ZFAT: variants seen among roughly 807,000 people sequenced by gnomAD.
The protein encoded by ZFAT is zinc finger and AT-hook domain containing, also known as zinc finger protein ZFAT.
Under a neutral mutation model 117.7 loss-of-function variants are expected in ZFAT, and 64 were observed. The observed-to-expected ratio is 0.54, with a 90% CI of 0.44 to 0.67. ZFAT has a LOEUF of 0.67. Ranked by LOEUF, ZFAT falls within the 30% of genes least tolerant of loss-of-function variation. The pLI is 0.00. For missense variants in ZFAT, 1,433 were observed against 1,584.5 expected, an observed-to-expected ratio of 0.90 and a Z score of 1.62; for synonymous variants, 679 against 615.0, an observed-to-expected ratio of 1.10 and a Z score of -1.54.
chr8:134,769,733 C>T, the ZFAT span, among the ~76,000 whole-genome samples: 52,282 of 152,014 alleles, frequency 0.34, 9,128 homozygotes, highest in South Asian at 0.38. Context: ...CTCCATGAGC[C>T]ACGCCTCCCC....
chr8:134,801,980 C>CT, the ZFAT span, among the ~76,000 whole-genome samples: 1 of 152,152 alleles, frequency 6.6e-6, no homozygotes, highest in South Asian at 2.1e-4. Context: ...GAATCAGAAA[C>CT]TTTTTTTGCA....
intron 1 of ZFAT, among the ~76,000 whole-genome samples, chr8:134,672,948 G>A (rs1563751019): frequency 6.6e-6 from 1 of 151,888 alleles, no homozygotes; most frequent in Non-Finnish European, 1.5e-5. Flanking sequence ...AAAGAAGAAG[G>A]GAAAGTATAA....
Position 134,478,534 on chromosome 8 carries a change from GCCT to G in ZFAT, c.3677_3679del (p.Glu1226del). The stretch of plus-strand genomic sequence containing the variant: ...AGCCTGCTCCTCCACAGGCTGCATG[GCCT>G]CCTGCACGTAGACGATGAACTCCGA... On this transcript the variant is annotated inframe_deletion, in exon 16 of 16. Coordinates refer to ENST00000377838, the MANE Select transcript of ZFAT (RefSeq NM_020863.4). The surrounding 1 kb of genome is among the most constrained non-coding windows in gnomAD (Gnocchi z 5.2). 1.3e-6 allele frequency: 2 copies of G among 1,590,310 alleles called. No homozygotes were observed. The highest frequency in any genetic ancestry group is 1.7e-6 in the Non-Finnish European group (2 of 1,169,074).
upstream of ZFAT, among the ~76,000 whole-genome samples, chr8:134,717,095 G>A (rs1169367952): frequency 6.6e-6 from 1 of 152,186 alleles, no homozygotes; most frequent in Non-Finnish European, 1.5e-5. Context: ...GATGTCCTAA[G>A]GGAGTAGCTG....
At chr8:134,828,781 C>A in the ZFAT span, among the ~76,000 whole-genome samples, 1 of 152,198 alleles carries the variant, frequency 6.6e-6, no homozygotes, top group Middle Eastern at 3.4e-3. Context: ...TGCATTAACA[C>A]AAAGGGAAAA....
At chr8:134,554,128 G>A (rs1292592836) in intron 11 of ZFAT, among the ~76,000 whole-genome samples, 1 of 152,196 alleles carries the variant, frequency 6.6e-6, no homozygotes, top group East Asian at 1.9e-4. Context: ...ATAAGCCACA[G>A]TCTGCTGTCT....
At chr8:134,620,093 A>G (rs1287186809) in intron 3 of ZFAT, among the ~76,000 whole-genome samples, 1 of 152,194 alleles carries the variant, frequency 6.6e-6, no homozygotes, top group Non-Finnish European at 1.5e-5. Context: ...GGGCCTGGCT[A>G]GTGGACTATA....
the ZFAT span, among the ~76,000 whole-genome samples, chr8:134,752,152 C>T: frequency 0.72 from 109,451 of 152,070 alleles, 39,471 homozygotes; most frequent in Admixed American, 0.74. Flanking sequence ...CACTGCTCAC[C>T]TTTGCAGATC....
rs550552246 is a variant in ZFAT, at chr8:134,524,081, T to C, written c.3116-3080A>G. On this transcript the variant is annotated intron_variant, in intron 12 of 15. Coordinates refer to ENST00000377838, the MANE Select transcript of ZFAT (RefSeq NM_020863.4). ...CCTCAATCACTCTGTCTTGCGTCAC[T>C]GACTCTGGGTCTTGGCAAGTCCTCT... is the stretch of plus-strand genomic sequence containing the variant. 2.0e-5 allele frequency among the ~76,000 whole-genome samples: 3 copies of C among 152,332 alleles called. No individual in the cohort carries two copies. In the South Asian group the frequency reaches 6.2e-4, roughly 32 times the overall value.
At chr8:134,819,919 T>A in the ZFAT span, among the ~76,000 whole-genome samples, 1 of 152,178 alleles carries the variant, frequency 6.6e-6, no homozygotes, top group African/African-American at 2.4e-5. Flanking sequence ...TTTGTTTCTT[T>A]AAAATCCCAT....
chr8:134,645,148 G>A (rs371438859), intron 2 of ZFAT, among the ~76,000 whole-genome samples: 4 of 152,314 alleles, frequency 2.6e-5, no homozygotes, highest in African/African-American at 7.2e-5. Flanking sequence ...AGATTAAAAG[G>A]CTATAAAATA....
chr8:134,663,186 T>C (rs1459563133), intron 1 of ZFAT, among the ~76,000 whole-genome samples: 2 of 152,168 alleles, frequency 1.3e-5, no homozygotes, highest in Non-Finnish European at 2.9e-5. Context: ...ACAAGCAAGT[T>C]CCCAGAAGCA....
At chr8:134,762,009 T>TGTGTGTGC in the ZFAT span, among the ~76,000 whole-genome samples, 2 of 151,326 alleles carry the variant, frequency 1.3e-5, no homozygotes, top group East Asian at 3.9e-4. Flanking sequence ...TGTGTGTGTG[T>TGTGTGTGC]GTGCAAATGT....
At chr8:134,688,803 G>A (rs1833460915) in intron 1 of ZFAT, among the ~76,000 whole-genome samples, 1 of 152,200 alleles carries the variant, frequency 6.6e-6, no homozygotes, top group East Asian at 1.9e-4. Context: ...AGAAGGAAGA[G>A]ACCAAATAAG....
At chr8:134,793,248 A>G in the ZFAT span, 2 of 152,256 alleles carry the variant, frequency 1.3e-5, no homozygotes, top group Non-Finnish European at 2.9e-5. Flanking sequence ...ACACAGATGA[A>G]TTAGTAGTAC....
intron 3 of ZFAT, among the ~76,000 whole-genome samples, chr8:134,624,508 T>G (rs1222508792): frequency 6.6e-6 from 1 of 151,812 alleles, no homozygotes; most frequent in Non-Finnish European, 1.5e-5. Context: ...ATACAAAAAA[T>G]TAGCCGGGCA....
At chr8:134,766,966 C>T in the ZFAT span, 1 of 152,236 alleles carries the variant, frequency 6.6e-6, no homozygotes, top group Non-Finnish European at 1.5e-5. Context: ...CTTGTTACCC[C>T]AGATCAATGA....
At chr8:134,479,459 C>T (rs1279569449) in intron 15 of ZFAT, among the ~76,000 whole-genome samples, 1 of 152,216 alleles carries the variant, frequency 6.6e-6, no homozygotes, top group African/African-American at 2.4e-5. Flanking sequence ...CCAGCTGGTG[C>T]TAATATCCCA....
In ZFAT at chr8:134,588,235, T is replaced by A. The variant is rs757727557; in HGVS notation, c.2713+11A>T. 1.3e-5 allele frequency: 20 copies of A among 1,550,546 alleles called. No individual in the cohort carries two copies. The highest frequency in any genetic ancestry group is 1.7e-5 in the Non-Finnish European group (19 of 1,147,554). Reference sequence around the variant, plus strand: ...TAGAAAGGTGCCCAATTTGGAAAGATGAATACTCACCTTCATGAGCCCAAA... The same window carrying A: ...TAGAAAGGTGCCCAATTTGGAAAGAAGAATACTCACCTTCATGAGCCCAAA... On this transcript the variant is annotated intron_variant, in intron 9 of 15. Transcript: ENST00000377838.
Sources: gnomAD v4.1 joint callset for allele counts (sites outside exome capture counted in the v4.1 genomes callset) on GRCh38, gnomAD v4.1.1 for gene constraint, Gnocchi (gnomAD v3.1) non-coding constraint, MANE v1.5 for transcripts, NCBI Gene and HGNC (gene_info 2026-07-23, HGNC 2026-07-21) for gene names.